SLC16A12: variants seen among roughly 807,000 people sequenced by gnomAD.
SLC16A12 encodes the protein monocarboxylate transporter 12.
Under a neutral mutation model 42.4 loss-of-function variants are expected in SLC16A12, and 17 were observed. The ratio of observed to expected loss-of-function variants is 0.40; its 90% CI spans 0.27 to 0.60. The LOEUF is 0.60. SLC16A12 is among the 20% of genes least tolerant of loss of function. The pLI, the probability that SLC16A12 is intolerant of heterozygous loss-of-function variation, is 0.42. For synonymous variants in SLC16A12, 224 were observed against 229.4 expected (o/e 0.98, Z 0.21); for missense variants, 544 against 623.0 (o/e 0.87, Z 1.35).
Position 89,512,897 on chromosome 10 carries a change from G to A in SLC16A12, c.-47+21604C>T, listed in dbSNP as rs139611980. Among the ~76,000 whole-genome samples, 424 of 152,246 alleles carry A rather than the reference G, an allele frequency of 2.8e-3. 2 individuals are homozygous for A. The highest frequency in any genetic ancestry group is 9.1e-3 in the African/African-American group (379 of 41,542). ...GCATCTGAAGTGGGGGCTGTCTTAT[G>A]GGATGGAGTCCTTAATCTGTGGGAT... On this transcript the variant is annotated intron_variant, in intron 2 of 7. Transcript: ENST00000371790.
At chr10:89,496,597 C>T (rs918011844) in intron 2 of SLC16A12, among the ~76,000 whole-genome samples, 7 of 152,110 alleles carry the variant, frequency 4.6e-5, no homozygotes, top group Non-Finnish European at 7.4e-5. Context: ...ACTCAGAGCC[C>T]TCAATCTTGC....
chr10:89,536,253 C>T, upstream of SLC16A12, among the ~76,000 whole-genome samples: 1 of 152,134 alleles, frequency 6.6e-6, no homozygotes, highest in East Asian at 1.9e-4. Flanking sequence ...GTGTATCTGG[C>T]AGGGATCCGG....
At chr10:89,507,481 A>G (rs1204260525) in intron 2 of SLC16A12, among the ~76,000 whole-genome samples, 2 of 152,246 alleles carry the variant, frequency 1.3e-5, no homozygotes, top group Non-Finnish European at 2.9e-5. Context: ...ACTAAGCTTC[A>G]TAAGTGAAGA....
intron 2 of SLC16A12, among the ~76,000 whole-genome samples, chr10:89,472,763 G>A (rs559578844): frequency 6.6e-6 from 1 of 151,638 alleles, no homozygotes; most frequent in Admixed American, 6.6e-5. Flanking sequence ...AGAGTGCTAG[G>A]ATTACAGGTG....
chr10:89,460,188 T>C (rs574922167), intron 3 of SLC16A12, among the ~76,000 whole-genome samples: 1 of 152,244 alleles, frequency 6.6e-6, no homozygotes, highest in East Asian at 1.9e-4. Flanking sequence ...CTTCCAGAAC[T>C]CTTTCATCAT....
At chr10:89,539,897 C>A (rs565682778), upstream of SLC16A12, among the ~76,000 whole-genome samples, 2 of 146,174 alleles carry the variant, frequency 1.4e-5, no homozygotes, top group Non-Finnish European at 3.0e-5. Context: ...TTCTTTCTTT[C>A]TTTCTTTCTT....
chr10:89,508,437 A>ACT (rs1843104784), intron 2 of SLC16A12, among the ~76,000 whole-genome samples: 1 of 152,178 alleles, frequency 6.6e-6, no homozygotes, highest in African/African-American at 2.4e-5. Flanking sequence ...TCAAAACTGC[A>ACT]CAGCTACATG....
At chr10:89,474,600 C>T (rs915499829) in intron 2 of SLC16A12, among the ~76,000 whole-genome samples, 2 of 152,126 alleles carry the variant, frequency 1.3e-5, no homozygotes, top group Non-Finnish European at 2.9e-5. Flanking sequence ...CAGTATTTAA[C>T]ACAACCAGCT....
chr10:89,462,132 G>T (rs1346754547), intron 3 of SLC16A12, among the ~76,000 whole-genome samples: 1 of 151,956 alleles, frequency 6.6e-6, no homozygotes, highest in Non-Finnish European at 1.5e-5. Flanking sequence ...CAAAGGAAAC[G>T]ATACCTGAGC....
At chr10:89,492,435 A>AG (rs1377751827) in intron 2 of SLC16A12, among the ~76,000 whole-genome samples, 5 of 152,132 alleles carry the variant, frequency 3.3e-5, no homozygotes, top group Non-Finnish European at 7.4e-5. Flanking sequence ...GTAAAAAAAA[A>AG]ATAGCTATAA....
chr10:89,475,152 C>T (rs954380), intron 2 of SLC16A12, among the ~76,000 whole-genome samples: 1 of 152,222 alleles, frequency 6.6e-6, no homozygotes, highest in Non-Finnish European at 1.5e-5. Context: ...GCCTCTACCC[C>T]ACCCCAGTTA....
chr10:89,532,618 T>C (rs1350709161), intron 2 of SLC16A12, among the ~76,000 whole-genome samples: 2 of 152,172 alleles, frequency 1.3e-5, no homozygotes, highest in Non-Finnish European at 2.9e-5. Context: ...ACTGGTTAGG[T>C]GAGGAATGCA....
At chr10:89,485,150 C>T (rs1425107282) in intron 2 of SLC16A12, among the ~76,000 whole-genome samples, 1 of 152,150 alleles carries the variant, frequency 6.6e-6, no homozygotes, top group Non-Finnish European at 1.5e-5. Flanking sequence ...ATTTGGCTCC[C>T]CAGAGGACAT....
intron 2 of SLC16A12, among the ~76,000 whole-genome samples, chr10:89,472,928 C>T (rs1357095035): frequency 6.6e-6 from 1 of 152,024 alleles, no homozygotes; most frequent in Non-Finnish European, 1.5e-5. Context: ...AGTGATTCTA[C>T]CACCTCGGCA....
At chr10:89,487,991 TATATAC>T (rs1159558615) in intron 2 of SLC16A12, among the ~76,000 whole-genome samples, 17 of 115,642 alleles carry the variant, frequency 1.5e-4, no homozygotes, top group African/African-American at 2.7e-4. Flanking sequence ...TATATATATA[TATATAC>T]ACACACACAT....
chr10:89,480,820 G>A (rs989285866), intron 2 of SLC16A12, among the ~76,000 whole-genome samples: 1 of 152,098 alleles, frequency 6.6e-6, no homozygotes, highest in Non-Finnish European at 1.5e-5. Context: ...CTGGCAAAAT[G>A]AAAATAAGAG....
intron 2 of SLC16A12, among the ~76,000 whole-genome samples, chr10:89,554,578 T>C (rs1843797659): frequency 6.6e-6 from 1 of 152,174 alleles, no homozygotes; most frequent in South Asian, 2.1e-4. Context: ...GAGGACAAAG[T>C]GTTTGCTTTG....
rs185868905 is a variant in SLC16A12, at chr10:89,494,985, G to T, written c.-46-32361C>A. Among the ~76,000 whole-genome samples the T allele has an allele frequency of 6.7e-4, 102 of 152,176 alleles. 5 individuals are homozygous for T. The South Asian group carries it at 0.02, about 30-fold the overall frequency. On this transcript the variant is annotated intron_variant, in intron 2 of 7. Coordinates refer to ENST00000371790, the MANE Select transcript of SLC16A12 (RefSeq NM_213606.4). ...GCAGAGCACCACACAAAAACAAGAG[G>T]ATTAAATGAATATCATACTGAATGG...
At chr10:89,544,940 A>G (rs1240186112) in intron 2 of SLC16A12, among the ~76,000 whole-genome samples, 1 of 152,220 alleles carries the variant, frequency 6.6e-6, no homozygotes, top group Non-Finnish European at 1.5e-5. Context: ...TCCTTAAGTC[A>G]GGCATCATCT....
Sources: allele counts gnomAD v4.1 joint callset (sites outside exome capture counted in the v4.1 genomes callset), GRCh38; gene constraint gnomAD v4.1.1; transcripts MANE v1.5; gene names NCBI Gene and HGNC (gene_info 2026-07-23, HGNC 2026-07-21).